Variants in SNX29 observed in about 807,000 individuals in gnomAD.
The protein encoded by SNX29 is sorting nexin-29.
SNX29 carries 78 observed loss-of-function variants against 102.1 expected under a neutral mutation model. That is an observed-to-expected ratio of 0.76 (90% CI 0.64 to 0.92). The LOEUF is 0.92. Ranked by LOEUF, SNX29 falls within the 40% of genes least tolerant of loss-of-function variation. The pLI is 0.00. For synonymous variants in SNX29, 580 were observed against 414.5 expected (o/e 1.40, Z -4.85); for missense variants, 1,280 against 1,061.7 (o/e 1.21, Z -2.86).
chr16:12,475,181 T>G lies in SNX29; in HGVS notation c.2038-2538T>G, dbSNP rs1164785224. On this transcript the variant is annotated intron_variant, in intron 18 of 20. Coordinates refer to ENST00000566228, the MANE Select transcript of SNX29 (RefSeq NM_032167.5). ...GCACTGCTTGTCTGATGGGTGAGTT[T>G]GTGCATTACATCAGGGGTTCCTGAA... is the stretch of plus-strand genomic sequence containing the variant. 3.9e-5 allele frequency among the ~76,000 whole-genome samples: 6 copies of G among 152,334 alleles called. No homozygotes were observed. The East Asian group carries it at 1.2e-3, about 29-fold the overall frequency.
At chr16:12,386,837 C>T (rs529057574) in intron 16 of SNX29, among the ~76,000 whole-genome samples, 17 of 152,256 alleles carry the variant, frequency 1.1e-4, no homozygotes, top group Non-Finnish European at 2.4e-4. Flanking sequence ...GAGAGAGCCA[C>T]ACCTAGGTCG....
chr16:12,480,046 CAA>C (rs138794543), intron 19 of SNX29, among the ~76,000 whole-genome samples: 53 of 152,274 alleles, frequency 3.5e-4, no homozygotes, highest in African/African-American at 1.3e-3. Flanking sequence ...TGGATACAAA[CAA>C]GAGTTCAGTT....
intron 20 of SNX29, among the ~76,000 whole-genome samples, chr16:12,548,802 C>T (rs75460892): frequency 0.014 from 2,065 of 152,320 alleles, 52 homozygotes; most frequent in South Asian, 0.11. Context: ...CATAGCTGGG[C>T]TGTTGTTTTC....
At chr16:12,562,384 T>A (rs200039959) in intron 20 of SNX29, among the ~76,000 whole-genome samples, 15 of 84,514 alleles carry the variant, frequency 1.8e-4, no homozygotes, top group Non-Finnish European at 2.8e-4. Flanking sequence ...TTAAAACAGC[T>A]CAAGAGACAG....
rs573584336 is a variant in SNX29 at position 12,524,771 on chromosome 16, A to T, written c.2248A>T (p.Ile750Phe). 12 of 1,613,880 alleles carry T rather than the reference A, an allele frequency of 7.4e-6. No individual in the cohort carries two copies. In the South Asian group the frequency reaches 1.3e-4, roughly 18 times the overall value. ...NYLRSVMNKVIQMVPEFAASP... is the reference protein window; with the variant it reads ...NYLRSVMNKVFQMVPEFAASP... ...CCTGCGCAGCGTCATGAACAAAGTC[A>T]TCCAGATGGTCCCCGAGTTCGCTGC... The change falls in exon 20 of 21, where the codon ATC (isoleucine) becomes TTC (phenylalanine). Residue 750 changes from isoleucine (I) to phenylalanine (F), a missense_variant. By Grantham distance (21) the Ile-to-Phe change is conservative. Coordinates refer to ENST00000566228, the MANE Select transcript of SNX29 (RefSeq NM_032167.5).
intron 20 of SNX29, among the ~76,000 whole-genome samples, 159 bp from the exon 21 acceptor site, chr16:12,568,347 C>G (rs192738534): frequency 2.7e-5 from 4 of 150,922 alleles, no homozygotes; most frequent in Admixed American, 2.6e-4. Context: ...ATAGGGGTTT[C>G]TCATTTCTTC....
chr16:12,363,743 G>A (rs1341939879), intron 16 of SNX29, among the ~76,000 whole-genome samples: 1 of 152,164 alleles, frequency 6.6e-6, no homozygotes, highest in Non-Finnish European at 1.5e-5. Context: ...CCTTTCAGTG[G>A]TATCTTTTTA....
intron 1 of SNX29, among the ~76,000 whole-genome samples, chr16:11,979,339 A>G (rs184857272): frequency 6.6e-6 from 1 of 152,098 alleles, no homozygotes; most frequent in Admixed American, 6.6e-5. Context: ...AAACCAACAA[A>G]TGACTTTTTA....
chr16:11,992,205 G>A (rs1031959511), intron 1 of SNX29, among the ~76,000 whole-genome samples: 1 of 152,142 alleles, frequency 6.6e-6, no homozygotes, highest in Admixed American at 6.6e-5. Flanking sequence ...GAGGTGGGAG[G>A]ACTGCTTGAG....
At chr16:12,093,572 C>G (rs548152050) in intron 11 of SNX29, 1 of 152,206 alleles carries the variant, frequency 6.6e-6, no homozygotes, top group South Asian at 2.1e-4. Context: ...CTTGATCGCA[C>G]CACAGCCTGG....
chr16:12,084,804 C>T (rs911084054), intron 11 of SNX29, among the ~76,000 whole-genome samples: 1 of 152,172 alleles, frequency 6.6e-6, no homozygotes, highest in African/African-American at 2.4e-5. Context: ...TGCAGTGGCG[C>T]ACACCTGTAA....
intron 13 of SNX29, among the ~76,000 whole-genome samples, chr16:12,130,435 A>T (rs936132240): frequency 1.1e-4 from 15 of 134,294 alleles, no homozygotes; most frequent in Admixed American, 2.6e-4. Context: ...AGATCACGCC[A>T]CTGCACTCCA....
intron 14 of SNX29, among the ~76,000 whole-genome samples, chr16:12,240,585 CTTTTTTTTTTTTTTTTT>C (rs1180028807): frequency 4.6e-5 from 3 of 64,806 alleles, no homozygotes; most frequent in East Asian, 5.8e-4. Flanking sequence ...TTTGTCATTT[CTTTTTTTTTTTTTTTTT>C]TTTTTTTTTT....
intron 20 of SNX29, among the ~76,000 whole-genome samples, chr16:12,565,838 C>T (rs749007191): frequency 1.3e-5 from 2 of 152,220 alleles, no homozygotes; most frequent in African/African-American, 4.8e-5. Flanking sequence ...CTCCACACCT[C>T]TGCCTCCTCC....
chr16:12,206,559 C>G (rs1352162422), intron 14 of SNX29, among the ~76,000 whole-genome samples: 3 of 152,110 alleles, frequency 2.0e-5, no homozygotes, highest in African/African-American at 7.2e-5. Context: ...GCTCCCATCC[C>G]TCACTGTGTG....
intron 10 of SNX29, among the ~76,000 whole-genome samples, chr16:12,073,779 C>G (rs1459390215): frequency 1.3e-5 from 2 of 152,026 alleles, no homozygotes; most frequent in African/African-American, 2.4e-5. Flanking sequence ...GTTAAAGTCT[C>G]TCATTATTAT....
intron 8 of SNX29, among the ~76,000 whole-genome samples, chr16:12,054,657 C>T (rs1051273621): frequency 6.6e-6 from 1 of 152,228 alleles, no homozygotes; most frequent in Non-Finnish European, 1.5e-5. Context: ...CCCCAGCTTT[C>T]CTGGGTCTTC....
At chr16:12,147,807 G>A (rs2055128191) in intron 13 of SNX29, among the ~76,000 whole-genome samples, 1 of 152,208 alleles carries the variant, frequency 6.6e-6, no homozygotes, top group Non-Finnish European at 1.5e-5. Context: ...CATGAAGCCT[G>A]GGTCTTAAAT....
intron 14 of SNX29, among the ~76,000 whole-genome samples, chr16:12,238,272 C>G (rs1050300268): frequency 1.3e-5 from 2 of 149,980 alleles, no homozygotes; most frequent in Non-Finnish European, 3.0e-5. Flanking sequence ...GCCTTGGCCT[C>G]TCCATTCCAT....
Sources: gnomAD v4.1 joint callset for allele counts (sites outside exome capture counted in the v4.1 genomes callset) on GRCh38, gnomAD v4.1.1 for gene constraint, MANE v1.5 for transcripts, NCBI Gene and HGNC (gene_info 2026-07-23, HGNC 2026-07-21) for gene names.